The following ARFIP1 variants were observed in gnomAD, a reference collection of about 807,000 sequenced individuals.
ARFIP1 encodes ARF interacting protein 1, also known as arfaptin-1.
Under a neutral mutation model 42.5 loss-of-function variants are expected in ARFIP1, and 24 were observed. The observed-to-expected ratio is 0.57, with a 90% CI of 0.41 to 0.80. The LOEUF (loss-of-function observed/expected upper bound fraction) is 0.80, where lower values mean the gene tolerates loss of function less well. Among genes scored for constraint, ARFIP1 ranks in the 30% least tolerant of loss-of-function variants. The probability of loss-of-function intolerance (pLI) is 0.00; values close to 1 mark genes in which losing one functional copy is unlikely to be tolerated. For missense variants in ARFIP1, 354 were observed against 434.0 expected, an observed-to-expected ratio of 0.82 and a Z score of 1.64; for synonymous variants, 141 against 153.7, an observed-to-expected ratio of 0.92 and a Z score of 0.61.
At chr4:152,842,426 G>T (rs1732174011) in intron 2 of ARFIP1, among the ~76,000 whole-genome samples, 1 of 151,872 alleles carries the variant, frequency 6.6e-6, no homozygotes, top group Admixed American at 6.6e-5. Flanking sequence ...TCCAGGTGTT[G>T]CTTGTGCTTC....
intron 1 of ARFIP1, among the ~76,000 whole-genome samples, chr4:152,815,417 C>T (rs1302546143): frequency 6.6e-6 from 1 of 152,212 alleles, no homozygotes; most frequent in Non-Finnish European, 1.5e-5. Context: ...TGCATTTACA[C>T]ACTGATGTCT....
intron 2 of ARFIP1, among the ~76,000 whole-genome samples, chr4:152,855,711 C>T (rs540824985): frequency 2.0e-5 from 3 of 152,302 alleles, no homozygotes; most frequent in East Asian, 1.9e-4. Flanking sequence ...GGGGCAGTGC[C>T]ATCACACAAT....
intron 2 of ARFIP1, among the ~76,000 whole-genome samples, chr4:152,862,239 A>G (rs1352763778): frequency 1.3e-5 from 2 of 152,118 alleles, no homozygotes; most frequent in Admixed American, 6.6e-5. Flanking sequence ...TCCTAACCCT[A>G]TTCCATCCCT....
intron 2 of ARFIP1, among the ~76,000 whole-genome samples, chr4:152,851,600 T>C (rs963613709): frequency 6.6e-6 from 1 of 152,188 alleles, no homozygotes; most frequent in African/African-American, 2.4e-5. Flanking sequence ...GCTATAAAAA[T>C]GGGAGTGTCT....
At chr4:152,850,679 CA>C (rs1368619098) in intron 2 of ARFIP1, 1 of 152,178 alleles carries the variant, frequency 6.6e-6, no homozygotes, top group African/African-American at 2.4e-5. Context: ...CAGCTAAGAG[CA>C]ATCTGCATTT....
chr4:152,868,184 C>T (rs1373726524), intron 3 of ARFIP1, among the ~76,000 whole-genome samples: 1 of 152,068 alleles, frequency 6.6e-6, no homozygotes, highest in East Asian at 1.9e-4. Context: ...ATATTGAAAT[C>T]GGCCTAGCAC....
chr4:152,850,911 G>A (rs964870904), intron 2 of ARFIP1, among the ~76,000 whole-genome samples: 1 of 152,240 alleles, frequency 6.6e-6, no homozygotes, highest in Admixed American at 6.5e-5. Context: ...AACTGGGGAT[G>A]TGGAGGCTGT....
chr4:152,820,078 T>C (rs144082570), intron 1 of ARFIP1, among the ~76,000 whole-genome samples: 1,761 of 152,118 alleles, frequency 0.012, 37 homozygotes, highest in African/African-American at 0.041. Context: ...AAGAGTGTGA[T>C]TGGGAGGTAG....
At chr4:152,812,912 T>TTC (rs1321010021) in intron 1 of ARFIP1, among the ~76,000 whole-genome samples, 1 of 152,224 alleles carries the variant, frequency 6.6e-6, no homozygotes, top group Admixed American at 6.5e-5. Flanking sequence ...TCCACCTTTT[T>TTC]TCATTCCCAC....
chr4:152,822,222 C>T lies in ARFIP1; in HGVS notation c.-9-7403C>T, dbSNP rs185340149. The stretch of plus-strand genomic sequence containing the variant: ...AAGGTAGAGGGATGGAAAAAGATTT[C>T]GCACAAGTTGAAATCAAAAGCAAGC... On this transcript the variant is annotated intron_variant, in intron 1 of 8. Coordinates refer to ENST00000353617, the MANE Select transcript of ARFIP1 (RefSeq NM_001025595.3). Among the ~76,000 whole-genome samples, 160 of 144,994 alleles carry T rather than the reference C, an allele frequency of 1.1e-3. 1 individual carries two copies. The highest frequency in any genetic ancestry group is 3.7e-3 in the African/African-American group (144 of 38,912).
chr4:152,898,846 C>G (rs1422624429), intron 8 of ARFIP1, among the ~76,000 whole-genome samples: 1 of 152,186 alleles, frequency 6.6e-6, no homozygotes, highest in East Asian at 1.9e-4. Flanking sequence ...TCTGTTGAAT[C>G]ATCTGTTCCC....
intron 1 of ARFIP1, chr4:152,796,302 C>A (rs1326184989): frequency 2.1e-6 from 2 of 949,126 alleles, no homozygotes; most frequent in African/African-American, 3.3e-5. Flanking sequence ...GTTACATGGA[C>A]TTTCTTGAAA....
intron 1 of ARFIP1, among the ~76,000 whole-genome samples, chr4:152,785,518 G>A: frequency 6.6e-6 from 1 of 152,188 alleles, no homozygotes; most frequent in East Asian, 1.9e-4. Context: ...GCCCAGGGTG[G>A]TCTTGAACTC....
At chr4:152,829,580 T>A in intron 1 of ARFIP1, 45 bp from the exon 2 acceptor site, 1 of 1,324,948 alleles carries the variant, frequency 7.5e-7, no homozygotes, top group Non-Finnish European at 1.1e-6. Flanking sequence ...ATAGTCTTTA[T>A]GATTTGGTAT....
intron 2 of ARFIP1, among the ~76,000 whole-genome samples, chr4:152,861,521 G>A (rs185666422): frequency 2.7e-4 from 41 of 152,276 alleles, no homozygotes; most frequent in African/African-American, 8.9e-4. Flanking sequence ...GTACATTTAA[G>A]GAGTACATTT....
intron 8 of ARFIP1, among the ~76,000 whole-genome samples, chr4:152,898,926 C>G (rs1433459171): frequency 6.6e-6 from 1 of 152,154 alleles, no homozygotes; most frequent in African/African-American, 2.4e-5. Flanking sequence ...TTTGTCCTAA[C>G]AAATTTTGAT....
chr4:152,891,401 G>T (rs1736838261), intron 8 of ARFIP1, among the ~76,000 whole-genome samples: 2 of 152,150 alleles, frequency 1.3e-5, no homozygotes, highest in Non-Finnish European at 1.5e-5. Context: ...TTGTCGGACT[G>T]TTCTTTTAAG....
At chr4:152,899,005 G>A (rs1395420550) in intron 8 of ARFIP1, among the ~76,000 whole-genome samples, 1 of 152,160 alleles carries the variant, frequency 6.6e-6, no homozygotes, top group Admixed American at 6.5e-5. Context: ...AAGCTGGTGA[G>A]CACAGGGTCT....
intron 8 of ARFIP1, among the ~76,000 whole-genome samples, chr4:152,894,218 A>C (rs1181067956): frequency 6.6e-6 from 1 of 151,872 alleles, no homozygotes; most frequent in Non-Finnish European, 1.5e-5. Flanking sequence ...AAAAAAAAAA[A>C]AAAAGAAAGA....
Sources: gnomAD v4.1 joint callset for allele counts (sites outside exome capture counted in the v4.1 genomes callset) on GRCh38, gnomAD v4.1.1 for gene constraint, MANE v1.5 for transcripts, NCBI Gene and HGNC (gene_info 2026-07-23, HGNC 2026-07-21) for gene names.